Variants in PTPN4 observed in about 807,000 individuals in gnomAD.
PTPN4 encodes the protein tyrosine-protein phosphatase non-receptor type 4.
Under a neutral mutation model 135.5 loss-of-function variants are expected in PTPN4, and 49 were observed. The ratio of observed to expected loss-of-function variants is 0.36; its 90% CI spans 0.29 to 0.46. PTPN4 has a LOEUF of 0.46. Ranked by LOEUF, PTPN4 falls within the 20% of genes least tolerant of loss-of-function variation. The probability of loss-of-function intolerance (pLI) is 1.00; values close to 1 mark genes in which losing one functional copy is unlikely to be tolerated. For synonymous variants in PTPN4, 333 were observed against 369.9 expected (o/e 0.90, Z 1.14); for missense variants, 860 against 1,101.0 (o/e 0.78, Z 3.10).
intron 18 of PTPN4, among the ~76,000 whole-genome samples, chr2:119,947,086 A>G (rs558748699): frequency 7.9e-5 from 12 of 152,288 alleles, no homozygotes; most frequent in Admixed American, 1.3e-4. Context: ...AGCTTCCACA[A>G]TCATGAACTT....
rs1691549071 is a variant in PTPN4, at chr2:119,809,933, C to G, written c.80C>G (p.Thr27Ser). Residue 27 changes from threonine to serine, a missense_variant, in exon 2 of 27, where the codon ACT becomes AGT. Thr to Ser is a moderately conservative substitution (Grantham distance 58). Coordinates refer to ENST00000263708, the MANE Select transcript of PTPN4 (RefSeq NM_002830.4). Reference sequence around the variant, plus strand: ...GAGTTGGCCCGAGACAGACAGCATACTGAAGTGGTTTGCAACATCCTTCTT... The same window carrying G: ...GAGTTGGCCCGAGACAGACAGCATAGTGAAGTGGTTTGCAACATCCTTCTT... ...ASELARDRQHTEVVCNILLLD... is the reference protein window; with the variant it reads ...ASELARDRQHSEVVCNILLLD... 6.2e-7 allele frequency: 1 copy of G among 1,613,482 alleles called. No homozygotes were observed. The highest frequency in any genetic ancestry group is 1.7e-5 in the Admixed American group (1 of 59,912).
chr2:119,903,810 CATG>C (rs1678444741), intron 10 of PTPN4, among the ~76,000 whole-genome samples: 1 of 152,178 alleles, frequency 6.6e-6, no homozygotes, highest in African/African-American at 2.4e-5. Context: ...AGCTGGTGCC[CATG>C]AACCAGCCTA....
chr2:119,881,911 G>C, intron 6 of PTPN4, 81 bp downstream of exon 6: 2 of 1,186,088 alleles, frequency 1.7e-6, no homozygotes, highest in Admixed American at 4.4e-5. Context: ...GTAATTCATG[G>C]TCATTGCAAA....
At chr2:119,865,186 T>C (rs759876143) in intron 3 of PTPN4, among the ~76,000 whole-genome samples, 9 of 152,114 alleles carry the variant, frequency 5.9e-5, no homozygotes, top group Non-Finnish European at 1.0e-4. Flanking sequence ...TTTCTAGTTG[T>C]CAAGAGCACA....
At position 119,983,183 on chromosome 2, in the gene PTPN4, G is replaced by GTTGGAAACCTGAGTTTGGAAACCT. The variant is rs1679719936; in HGVS notation, c.*6113_*6114insTTGGAAACCTGAGTTTGGAAACCT. 6.6e-6 allele frequency: 1 copy of GTTGGAAACCTGAGTTTGGAAACCT among 152,072 alleles called. No homozygotes were observed. Among genetic ancestry groups the GTTGGAAACCTGAGTTTGGAAACCT allele is most frequent in the African/African-American group, 2.4e-5 (1 of 41,386 alleles). The allele number at this position is 152,072 out of a possible 1,614,324, so 9.4% of individuals were successfully genotyped here. ...TTGGTGTCAGGCTCTCTCAACCCTGGGAGTTTCCAAAATTTAGCAAATATT... is the reference window on the plus strand; with the variant it reads ...TTGGTGTCAGGCTCTCTCAACCCTGGTTGGAAACCTGAGTTTGGAAACCTGAGTTTCCAAAATTTAGCAAATATT... On this transcript the variant is annotated 3_prime_UTR_variant, in exon 27 of 27. Coordinates refer to ENST00000263708, the MANE Select transcript of PTPN4 (RefSeq NM_002830.4).
At chr2:119,950,412 T>C (rs1679195957) in intron 18 of PTPN4, among the ~76,000 whole-genome samples, 1 of 152,228 alleles carries the variant, frequency 6.6e-6, no homozygotes, top group South Asian at 2.1e-4. Flanking sequence ...AAGCTTTGGG[T>C]TGAATTATCT....
chr2:119,887,581 C>T (rs1332176636), intron 9 of PTPN4, among the ~76,000 whole-genome samples: 1 of 152,214 alleles, frequency 6.6e-6, no homozygotes, highest in Non-Finnish European at 1.5e-5. Context: ...GTCCAGTTTT[C>T]TTCCTCTGTA....
At chr2:119,872,204 C>T (rs112934833) in intron 3 of PTPN4, among the ~76,000 whole-genome samples, 3,538 of 152,078 alleles carry the variant, frequency 0.023, 130 homozygotes, top group African/African-American at 0.077. Context: ...CCTTTTCTTT[C>T]TACTGTTTTA....
At chr2:119,833,136 T>G (rs1185204902) in intron 2 of PTPN4, among the ~76,000 whole-genome samples, 1 of 152,186 alleles carries the variant, frequency 6.6e-6, no homozygotes, top group East Asian at 1.9e-4. Flanking sequence ...TTCTCTAGTC[T>G]TGTCAGAAGT....
rs1012572540 is a variant in PTPN4 at position 119,901,406 on chromosome 2, A to C, written c.764+600A>C. 2.0e-5 allele frequency among the ~76,000 whole-genome samples: 3 copies of C among 152,226 alleles called. No homozygotes were observed. The South Asian group carries it at 6.2e-4, about 31-fold the overall frequency. ...AGGAGTCCCTTAGGGAAACCTGAAG[A>C]CAGCAAGGATGTGAAAAACAAAGAT... is the stretch of plus-strand genomic sequence containing the variant. On this transcript the variant is annotated intron_variant, in intron 10 of 26. Transcript: ENST00000263708.
chr2:119,904,739 A>C (rs539767073), intron 10 of PTPN4, among the ~76,000 whole-genome samples: 1 of 152,364 alleles, frequency 6.6e-6, no homozygotes, highest in African/African-American at 2.4e-5. Context: ...ATATGGTGGT[A>C]TATTCAAACT....
At chr2:119,814,767 T>C (rs1385775072) in intron 2 of PTPN4, among the ~76,000 whole-genome samples, 2 of 152,178 alleles carry the variant, frequency 1.3e-5, no homozygotes. Context: ...CAACAGTGCC[T>C]ACCTTGAAGG....
intron 1 of PTPN4, among the ~76,000 whole-genome samples, chr2:119,809,344 G>A (rs182531527): frequency 6.4e-4 from 97 of 151,346 alleles, no homozygotes; most frequent in Non-Finnish European, 1.0e-3. Context: ...TGAATTTTGA[G>A]GATGGTTAAA....
In PTPN4 at chr2:119,782,303, C is replaced by G. The variant is rs184671886; in HGVS notation, c.-18+21919C>G. ...GTGTGGAGACAGGCGCCTGTAATCC[C>G]AGATACTCAGGAGGCTGAGGCAGGA... On this transcript the variant is annotated intron_variant, in intron 1 of 26. Transcript: ENST00000263708. Among the ~76,000 whole-genome samples the G allele has an allele frequency of 7.6e-3, 1,149 of 152,068 alleles. 14 individuals are homozygous for G. The highest frequency in any genetic ancestry group is 0.026 in the African/African-American group (1,086 of 41,462).
chr2:119,835,213 C>T (rs1440163312), intron 2 of PTPN4, among the ~76,000 whole-genome samples: 1 of 152,090 alleles, frequency 6.6e-6, no homozygotes, highest in Non-Finnish European at 1.5e-5. Context: ...GAGACAGAGT[C>T]TCACTCTGTC....
At chr2:119,811,572 C>T (rs1416514852) in intron 2 of PTPN4, among the ~76,000 whole-genome samples, 2 of 152,070 alleles carry the variant, frequency 1.3e-5, no homozygotes, top group Non-Finnish European at 2.9e-5. Context: ...TTAATAGAAA[C>T]TCTCATGTAT....
intron 1 of PTPN4, among the ~76,000 whole-genome samples, chr2:119,773,681 A>G (rs532214302): frequency 1.3e-5 from 2 of 150,924 alleles, no homozygotes; most frequent in Admixed American, 1.3e-4. Flanking sequence ...GGTTGCAGTG[A>G]GCCGAGATCG....
At chr2:119,857,726 AT>A (rs1371949245) in intron 2 of PTPN4, among the ~76,000 whole-genome samples, 1 of 152,134 alleles carries the variant, frequency 6.6e-6, no homozygotes, top group Non-Finnish European at 1.5e-5. Context: ...GAATATTATC[AT>A]TTACTCTTCA....
At chr2:119,938,277 G>A (rs539194083) in intron 15 of PTPN4, among the ~76,000 whole-genome samples, 7 of 151,710 alleles carry the variant, frequency 4.6e-5, no homozygotes, top group Non-Finnish European at 7.4e-5. Flanking sequence ...ACAGGCGCCC[G>A]TCACCACACC....
Sources: gnomAD v4.1 joint callset for allele counts (sites outside exome capture counted in the v4.1 genomes callset) on GRCh38, gnomAD v4.1.1 for gene constraint, MANE v1.5 for transcripts, NCBI Gene and HGNC (gene_info 2026-07-23, HGNC 2026-07-21) for gene names.